HYDIN: variants seen among roughly 807,000 people sequenced by gnomAD.
The protein encoded by HYDIN is HYDIN axonemal central pair apparatus protein, also known as axonemal central pair apparatus protein HYDIN.
Under a neutral mutation model 403.9 loss-of-function variants are expected in HYDIN, and 132 were observed. That is an observed-to-expected ratio of 0.33 (90% confidence interval 0.28 to 0.38). The LOEUF (loss-of-function observed/expected upper bound fraction) is 0.38, where lower values mean the gene tolerates loss of function less well. HYDIN is among the 10% of genes least tolerant of loss of function. The probability of loss-of-function intolerance (pLI) is 1.00; values close to 1 mark genes in which losing one functional copy is unlikely to be tolerated. For synonymous variants in HYDIN, 1,202 were observed against 1,891.7 expected, an observed-to-expected ratio of 0.64 and a Z score of 9.46; for missense variants, 2,827 against 5,009.5, an observed-to-expected ratio of 0.56 and a Z score of 13.15.
chr16:70,969,729 C>T (rs949274477), intron 36 of HYDIN, among the ~76,000 whole-genome samples: 2 of 152,134 alleles, frequency 1.3e-5, no homozygotes, highest in African/African-American at 4.8e-5. Flanking sequence ...AAATATAATA[C>T]ATTTTCTCTT....
intron 5 of HYDIN, among the ~76,000 whole-genome samples, chr16:71,175,020 A>G (rs976791023): frequency 6.6e-6 from 1 of 151,956 alleles, no homozygotes; most frequent in African/African-American, 2.4e-5. Context: ...TCCTCTCGTG[A>G]CTACCACCGC....
intron 23 of HYDIN, among the ~76,000 whole-genome samples, chr16:71,005,178 A>C (rs963786344): frequency 3.3e-5 from 5 of 152,182 alleles, no homozygotes; most frequent in Non-Finnish European, 5.9e-5. Flanking sequence ...TACATATGTC[A>C]ATTATAGTAA....
At chr16:70,925,413 G>C (rs958731220) in intron 45 of HYDIN, among the ~76,000 whole-genome samples, 1 of 152,190 alleles carries the variant, frequency 6.6e-6, no homozygotes, top group African/African-American at 2.4e-5. Context: ...GTTTTTCTCA[G>C]GTTTGTCAAC....
intron 23 of HYDIN, among the ~76,000 whole-genome samples, chr16:70,994,039 G>T (rs2079445316): frequency 1.3e-5 from 2 of 151,662 alleles, no homozygotes; most frequent in South Asian, 4.2e-4. Context: ...CAACACAATG[G>T]AAAAAAATCA....
At chr16:71,182,869 A>G (rs1438981590) in intron 3 of HYDIN, among the ~76,000 whole-genome samples, 1 of 152,154 alleles carries the variant, frequency 6.6e-6, no homozygotes, top group Non-Finnish European at 1.5e-5. Context: ...AAATGAGTGA[A>G]TAATCCAACA....
chr16:70,821,235 A>C (rs2143469305), intron 83 of HYDIN, among the ~76,000 whole-genome samples: 1 of 152,278 alleles, frequency 6.6e-6, no homozygotes, highest in South Asian at 2.1e-4. Context: ...CCAAGAAAAA[A>C]CCCTCCAAAT....
At chr16:71,039,475 G>T (rs2081210745) in intron 18 of HYDIN, among the ~76,000 whole-genome samples, 1 of 152,118 alleles carries the variant, frequency 6.6e-6, no homozygotes, top group Non-Finnish European at 1.5e-5. Context: ...CCCAAAGTGA[G>T]AACTTATATC....
chr16:70,912,644 T>C (rs558781705), intron 47 of HYDIN, among the ~76,000 whole-genome samples: 4 of 152,250 alleles, frequency 2.6e-5, no homozygotes, highest in East Asian at 3.9e-4. Flanking sequence ...GCTGGCTTCA[T>C]AGAATGAATT....
rs547032691 is a variant in HYDIN at position 70,886,120 on chromosome 16, G to A, written c.9775-1996C>T. On this transcript the variant is annotated intron_variant, in intron 58 of 85. Transcript: ENST00000393567. ...GATTTTCTGCTATCTGCAGCCAAACGTGATTCTGATACACAAATCAAGCAC... is the reference window on the plus strand; with the variant it reads ...GATTTTCTGCTATCTGCAGCCAAACATGATTCTGATACACAAATCAAGCAC... 7.3e-5 allele frequency among the ~76,000 whole-genome samples: 11 copies of A among 151,196 alleles called. No individual in the cohort carries two copies. In the South Asian group the frequency reaches 8.4e-4, roughly 11 times the overall value.
At chr16:71,174,371 G>T (rs559623407) in intron 5 of HYDIN, among the ~76,000 whole-genome samples, 1 of 152,104 alleles carries the variant, frequency 6.6e-6, no homozygotes, top group Non-Finnish European at 1.5e-5. Flanking sequence ...AGGTACTAGC[G>T]GTGGAGAAGC....
chr16:71,102,203 C>G (rs2144411098), intron 10 of HYDIN, among the ~76,000 whole-genome samples: 1 of 151,974 alleles, frequency 6.6e-6, no homozygotes, highest in East Asian at 1.9e-4. Context: ...AGTTACCTCT[C>G]TGCAGGAAAC....
intron 1 of HYDIN, among the ~76,000 whole-genome samples, chr16:71,188,565 T>C (rs2087269378): frequency 6.6e-6 from 1 of 152,196 alleles, no homozygotes; most frequent in Non-Finnish European, 1.5e-5. Context: ...TTCAAAATGA[T>C]GATGTAACAG....
chr16:71,168,980 T>C (rs966085173), intron 5 of HYDIN, among the ~76,000 whole-genome samples: 5 of 152,204 alleles, frequency 3.3e-5, no homozygotes, highest in African/African-American at 1.2e-4. Flanking sequence ...AGAACTACCA[T>C]ATGATCTAGC....
intron 47 of HYDIN, among the ~76,000 whole-genome samples, chr16:70,916,054 C>T (rs1265653379): frequency 6.6e-6 from 1 of 152,214 alleles, no homozygotes; most frequent in Non-Finnish European, 1.5e-5. Context: ...GAGAACTTGC[C>T]CCAGGCTACC....
At chr16:71,011,437 T>C (rs1226545629) in intron 23 of HYDIN, among the ~76,000 whole-genome samples, 1 of 152,142 alleles carries the variant, frequency 6.6e-6, no homozygotes, top group Admixed American at 6.5e-5. Flanking sequence ...CCAGGAACAG[T>C]GGCTCACACT....
chr16:71,004,808 C>T (rs2079843202), intron 23 of HYDIN, among the ~76,000 whole-genome samples: 1 of 151,838 alleles, frequency 6.6e-6, no homozygotes, highest in Non-Finnish European at 1.5e-5. Flanking sequence ...TTATTTATTT[C>T]TTAAATCATT....
chr16:70,876,012 A>G (rs1435411818), intron 62 of HYDIN, among the ~76,000 whole-genome samples: 1 of 150,514 alleles, frequency 6.6e-6, no homozygotes, highest in Non-Finnish European at 1.5e-5. Flanking sequence ...AAATATATAT[A>G]AAAAAATTTT....
chr16:71,208,644 A>T (rs373155344), intron 1 of HYDIN, among the ~76,000 whole-genome samples: 21 of 152,274 alleles, frequency 1.4e-4, no homozygotes, highest in African/African-American at 4.8e-4. Context: ...TTAATAAGAT[A>T]GATAGACCAC....
Position 71,129,680 on chromosome 16 carries a change from C to T in HYDIN, c.1187G>A (p.Ser396Asn). 6.2e-7 allele frequency: 1 copy of T among 1,614,192 alleles called. No individual in the cohort carries two copies. Among genetic ancestry groups the T allele is most frequent in the Non-Finnish European group, 8.5e-7 (1 of 1,180,032 alleles). The change falls in exon 9 of 86, where the codon AGC becomes AAC. Residue 396 changes from serine (S) to asparagine (N), a missense_variant. Coordinates refer to ENST00000393567, the MANE Select transcript of HYDIN (RefSeq NM_001270974.2). ...ANQRRLVQGD[S>N]KLFFNNVFTV... The stretch of plus-strand genomic sequence containing the variant: ...GAAAACGTTATTGAAGAACAGCTTG[C>T]TGTCTCCCTGCACCAGCCTCCTCTG...
Sources: allele counts gnomAD v4.1 joint callset (sites outside exome capture counted in the v4.1 genomes callset), GRCh38; gene constraint gnomAD v4.1.1; transcripts MANE v1.5; gene names NCBI Gene and HGNC (gene_info 2026-07-23, HGNC 2026-07-21).